The following PNPT1 variants were observed in gnomAD, a reference collection of about 807,000 sequenced individuals.
PNPT1 encodes the protein polyribonucleotide nucleotidyltransferase 1.
Under a neutral mutation model 119.5 loss-of-function variants are expected in PNPT1, and 53 were observed. The observed-to-expected ratio is 0.44, with a 90% CI of 0.36 to 0.56. The LOEUF is 0.56. Among genes scored for constraint, PNPT1 ranks in the 20% least tolerant of loss-of-function variants. The pLI, the probability that PNPT1 is intolerant of heterozygous loss-of-function variation, is 0.00. For synonymous variants in PNPT1, 357 were observed against 322.1 expected, an observed-to-expected ratio of 1.11 and a Z score of -1.16; for missense variants, 948 against 938.5, an observed-to-expected ratio of 1.01 and a Z score of -0.13.
At chr2:55,676,253 C>A (rs1325817022) in intron 8 of PNPT1, among the ~76,000 whole-genome samples, 1 of 94,512 alleles carries the variant, frequency 1.1e-5, no homozygotes, top group African/African-American at 4.7e-5. Flanking sequence ...AGTAAGACTC[C>A]ATCTCAACCA....
intron 3 of PNPT1, among the ~76,000 whole-genome samples, chr2:55,686,055 C>G (rs1439686527): frequency 1.3e-5 from 2 of 152,154 alleles, no homozygotes; most frequent in South Asian, 4.1e-4. Context: ...GCTGACTGTA[C>G]TTGCAGAGTC....
intron 14 of PNPT1, among the ~76,000 whole-genome samples, chr2:55,660,764 G>T (rs1377041152): frequency 6.6e-6 from 1 of 152,202 alleles, no homozygotes; most frequent in Non-Finnish European, 1.5e-5. Context: ...GCTGAGTGAT[G>T]ATGTGTGCCC....
chr2:55,658,934 TAA>T (rs1221648186), intron 15 of PNPT1, among the ~76,000 whole-genome samples: 1 of 152,224 alleles, frequency 6.6e-6, no homozygotes, highest in African/African-American at 2.4e-5. Context: ...CTACTTTACA[TAA>T]GTCTCTCATG....
intron 27 of PNPT1, 66 bp downstream of exon 27, chr2:55,637,486 G>GA: frequency 2.8e-6 from 4 of 1,440,498 alleles, no homozygotes; most frequent in Middle Eastern, 1.8e-4. Flanking sequence ...TCAACTTTTT[G>GA]AAAAAAACAA....
intron 1 of PNPT1, among the ~76,000 whole-genome samples, chr2:55,691,864 ATATATATATATATATTTTTT>A (rs1442620950): frequency 0.014 from 527 of 37,198 alleles, 8 homozygotes; most frequent in South Asian, 0.025. Context: ...ATATATATAT[ATATATATATATATATTTTTT>A]TTTTTTTTTT....
intron 11 of PNPT1, 49 bp downstream of exon 11, chr2:55,671,270 T>C: frequency 9.2e-7 from 1 of 1,082,190 alleles, no homozygotes; most frequent in Non-Finnish European, 1.3e-6. Context: ...CCATGCCTTA[T>C]TAAAGCTGCC....
At chr2:55,639,379 A>T (rs182923992) in intron 26 of PNPT1, among the ~76,000 whole-genome samples, 206 of 152,344 alleles carry the variant, frequency 1.4e-3, no homozygotes, top group Non-Finnish European at 7.2e-4. Flanking sequence ...GTCTAGGTCC[A>T]TAGACATTTA....
intron 23 of PNPT1, 60 bp downstream of exon 23, chr2:55,644,577 T>C (rs1695929126): frequency 3.1e-6 from 4 of 1,272,810 alleles, no homozygotes; most frequent in Non-Finnish European, 4.5e-6. Context: ...AGAGATGAAA[T>C]AGCAAACTTT....
intron 22 of PNPT1, 58 bp from the exon 23 acceptor site, chr2:55,644,778 C>T: frequency 1.6e-6 from 2 of 1,239,788 alleles, no homozygotes; most frequent in Non-Finnish European, 2.3e-6. Flanking sequence ...GAACCTAAAA[C>T]ATGCCATGGT....
chr2:55,686,487 G>C lies in PNPT1; in HGVS notation c.223-43C>G, dbSNP rs564704597. ...ACGCTGGTAAGTTCCTTTGAAATCA[G>C]ATATTAGCATCTAAGTAGCAACTGA... On this transcript the variant is annotated intron_variant, in intron 2 of 27. Transcript: ENST00000447944. 6 of 1,472,746 alleles carry C rather than the reference G, an allele frequency of 4.1e-6. No homozygotes were observed. The African/African-American group carries it at 5.6e-5, about 14-fold the overall frequency. 91.2% of individuals were successfully genotyped at this position (1,472,746 alleles called of 1,614,324 possible).
At chr2:55,656,040 TAAAC>T (rs1232192980) in intron 17 of PNPT1, 87 bp downstream of exon 17, 1 of 1,472,880 alleles carries the variant, frequency 6.8e-7, no homozygotes, top group South Asian at 1.4e-5. Flanking sequence ...TCTGTAGTAA[TAAAC>T]AAAATGTAAC....
chr2:55,687,743 G>A, intron 1 of PNPT1, 38 bp from the exon 2 acceptor site: 3 of 1,480,890 alleles, frequency 2.0e-6, no homozygotes, highest in Non-Finnish European at 2.8e-6. Context: ...GAAGACTTAG[G>A]TCATCTGTAC....
At chr2:55,642,288 C>G (rs528258199) in intron 25 of PNPT1, among the ~76,000 whole-genome samples, 4 of 151,702 alleles carry the variant, frequency 2.6e-5, no homozygotes, top group Non-Finnish European at 5.9e-5. Context: ...GGGGTTTCAC[C>G]AATTACTAGT....
rs1469376578 is a variant in PNPT1 at position 55,673,150 on chromosome 2, C to A, written c.680-71G>T. 6.1e-6 allele frequency: 7 copies of A among 1,140,602 alleles called. No homozygotes were observed. The South Asian group carries it at 9.8e-5, about 16-fold the overall frequency. The allele number at this position is 1,140,602 out of a possible 1,614,324, so 70.7% of individuals were successfully genotyped here. A position where few individuals can be genotyped will look rare whatever the true frequency, so the allele number is the denominator to read the frequency against. ...TTAGTAATATAACATTTTCAAATAC[C>A]ATGACATGACATAAATATTATGGAT... On this transcript the variant is annotated intron_variant, in intron 8 of 27. Coordinates refer to ENST00000447944, the MANE Select transcript of PNPT1 (RefSeq NM_033109.5).
chr2:55,661,795 C>T (rs548189194), intron 14 of PNPT1, among the ~76,000 whole-genome samples, 161 bp downstream of exon 14: 1 of 152,072 alleles, frequency 6.6e-6, no homozygotes, highest in Non-Finnish European at 1.5e-5. Flanking sequence ...CAATCTAGCA[C>T]ACACACAAAA....
At chr2:55,675,260 T>C (rs706549) in intron 8 of PNPT1, among the ~76,000 whole-genome samples, 140,961 of 151,542 alleles carry the variant, frequency 0.93, 66,097 homozygotes, top group African/African-American at 0.96. Context: ...GTCTGGACAA[T>C]AGAGTTGAGG....
At chr2:55,645,245 C>T (rs1397989596) in intron 22 of PNPT1, 104 bp downstream of exon 22, 3 of 680,416 alleles carry the variant, frequency 4.4e-6, no homozygotes, top group Non-Finnish European at 7.5e-6. Flanking sequence ...AGGATGGTCT[C>T]GATCTCCTGA....
Position 55,672,040 on chromosome 2 carries a change from A to G in PNPT1, c.873T>C (p.Ala291=). The G allele has an allele frequency of 1.9e-6, 3 of 1,597,040 alleles. No homozygotes were observed. Among genetic ancestry groups the G allele is most frequent in the Admixed American group, 1.7e-5 (1 of 57,190 alleles). The part of the protein sequence containing the change: ...PEIVKYTHKL[A]MERLYAVFTD... ...TAAAAACTGCATAGAGTCTCTCCAT[A>G]GCAAGTCTATTTAAGCAGAAAATAA... is the stretch of plus-strand genomic sequence containing the variant. Residue 291 remains alanine (A), a synonymous_variant, in exon 10 of 28, where the codon GCT becomes GCC. Coordinates refer to ENST00000447944, the MANE Select transcript of PNPT1 (RefSeq NM_033109.5).
Position 55,637,598 on chromosome 2 carries a change from A to G in PNPT1, c.2150T>C (p.Ile717Thr), listed in dbSNP as rs1695714326. 1 of 1,600,046 alleles carries G rather than the reference A, an allele frequency of 6.2e-7. No individual in the cohort carries two copies. The part of the protein sequence containing the change: ...LHNTQLDQRK[I>T]KHPTALGLEV... ...TAATCCTAGGGCAGTAGGATGTTTA[A>G]TCTGGAAAAAAAAATGTTAATCTAT... Residue 717 changes from isoleucine to threonine, a missense_variant and splice_region_variant, in exon 27 of 28, where the codon ATT (isoleucine) becomes ACT (threonine). Transcript: ENST00000447944.
Sources: gnomAD v4.1 joint callset for allele counts (sites outside exome capture counted in the v4.1 genomes callset) on GRCh38, gnomAD v4.1.1 for gene constraint, MANE v1.5 for transcripts, NCBI Gene and HGNC (gene_info 2026-07-23, HGNC 2026-07-21) for gene names.